The following CDC123 variants were observed in gnomAD, a reference collection of about 807,000 sequenced individuals.
CDC123 encodes the protein cell division cycle 123, also known as translation initiation factor eIF2 assembly protein.
CDC123 carries 37 observed loss-of-function variants against 54.4 expected under a neutral mutation model. That is an observed-to-expected ratio of 0.68 (90% CI 0.52 to 0.89). The LOEUF (loss-of-function observed/expected upper bound fraction) is 0.89. Among genes scored for constraint, CDC123 ranks in the 40% least tolerant of loss-of-function variants. The probability of loss-of-function intolerance (pLI) is 0.00; values close to 1 mark genes in which losing one functional copy is unlikely to be tolerated. For synonymous variants in CDC123, 144 were observed against 136.8 expected (o/e 1.05, Z -0.37); for missense variants, 361 against 412.1 (o/e 0.88, Z 1.07).
intron 2 of CDC123, among the ~76,000 whole-genome samples, chr10:12,200,855 C>T (rs879365474): frequency 4.6e-5 from 7 of 152,040 alleles, no homozygotes; most frequent in South Asian, 2.1e-4. Context: ...ATTACTTGAA[C>T]GCAGGAGGTG....
At chr10:12,219,091 T>C (rs1221077988) in intron 6 of CDC123, among the ~76,000 whole-genome samples, 1 of 152,196 alleles carries the variant, frequency 6.6e-6, no homozygotes, top group Non-Finnish European at 1.5e-5. Flanking sequence ...GTTCGTTCCA[T>C]GTCAGACTCA....
At chr10:12,226,604 C>A (rs1405276353) in intron 6 of CDC123, among the ~76,000 whole-genome samples, 1 of 150,764 alleles carries the variant, frequency 6.6e-6, no homozygotes, top group Non-Finnish European at 1.5e-5. Context: ...AGAGGCGCTC[C>A]TCACATCCCA....
intron 1 of CDC123, 136 bp downstream of exon 1, chr10:12,196,455 C>T: frequency 8.5e-7 from 1 of 1,179,760 alleles, no homozygotes; most frequent in Non-Finnish European, 1.2e-6. Context: ...GGAAGTACAT[C>T]AGCAATTGTC....
chr10:12,230,807 T>C (rs1371703216), intron 6 of CDC123, 141 bp from the exon 7 acceptor site: 2 of 732,816 alleles, frequency 2.7e-6, no homozygotes, highest in African/African-American at 1.8e-5. Context: ...GCTCAGTAAG[T>C]GTTCGTCGAA....
rs749789079 is a variant in CDC123, at chr10:12,249,619, A to T, written c.885A>T (p.Thr295=). 28 of 1,614,030 alleles carry T rather than the reference A, an allele frequency of 1.7e-5. No individual in the cohort carries two copies. The highest frequency in any genetic ancestry group is 2.2e-5 in the Non-Finnish European group (26 of 1,180,014). The change falls in exon 12 of 13, where the codon ACA becomes ACT. Residue 295 remains threonine (T), a synonymous_variant. Coordinates refer to ENST00000281141, the MANE Select transcript of CDC123 (RefSeq NM_006023.3). The part of the protein sequence containing the change: ...PAFRCTNSEV[T]VQPSPYLSYR... ...TCCGTTGCACAAACAGTGAAGTGACAGTCCAGCCCAGCCCCTATTTGAGTT... is the reference window on the plus strand; with the variant it reads ...TCCGTTGCACAAACAGTGAAGTGACTGTCCAGCCCAGCCCCTATTTGAGTT...
chr10:12,226,649 C>G (rs929234300), intron 6 of CDC123, among the ~76,000 whole-genome samples: 2 of 140,520 alleles, frequency 1.4e-5, no homozygotes, highest in Non-Finnish European at 3.2e-5. Flanking sequence ...TCCTCACATC[C>G]CAGACGATGG....
At position 12,235,114 on chromosome 10, in the gene CDC123, A is replaced by G. The variant is rs1835961746; in HGVS notation, c.556A>G (p.Lys186Glu). 1 of 1,613,026 alleles carries G rather than the reference A, an allele frequency of 6.2e-7. No homozygotes were observed. Among genetic ancestry groups the G allele is most frequent in the Non-Finnish European group, 8.5e-7 (1 of 1,179,174 alleles). ...GTTTCGATGTTTTGTCAAGGAAAAC[A>G]AGCTTATTGGTGAGTTTTTGTTTGT... ...AEFRCFVKEN[K>E]LIGISQRDYT... Residue 186 changes from lysine (K) to glutamate (E), a missense_variant, in exon 8 of 13, where the codon AAG becomes GAG. Transcript: ENST00000281141.
chr10:12,249,748 C>T lies in CDC123; in HGVS notation c.984+30C>T, dbSNP rs758408551. The T allele has an allele frequency of 7.0e-6, 11 of 1,570,088 alleles. No homozygotes were observed. In the South Asian group the frequency reaches 1.3e-4, roughly 19 times the overall value. Reference sequence around the variant, plus strand: ...AGTCTATGTGCATTTAGTATGCTGGCCATCTTTTCAAATAGACCTTCAAAT... The same window carrying T: ...AGTCTATGTGCATTTAGTATGCTGGTCATCTTTTCAAATAGACCTTCAAAT... On this transcript the variant is annotated intron_variant, in intron 12 of 12. Transcript: ENST00000281141.
At chr10:12,241,105 T>A (rs944460449) in intron 10 of CDC123, among the ~76,000 whole-genome samples, 1 of 152,090 alleles carries the variant, frequency 6.6e-6, no homozygotes, top group Admixed American at 6.6e-5. Flanking sequence ...CTCTTCAGGG[T>A]TTTTGGGGTT....
In CDC123 at chr10:12,237,265, CTG is replaced by C. The variant is rs1338732123; in HGVS notation, c.688+2_688+3del. 5.9e-6 allele frequency: 9 copies of C among 1,537,204 alleles called. No homozygotes were observed. The highest frequency in any genetic ancestry group is 1.4e-5 in the African/African-American group (1 of 70,950). On this transcript the variant is annotated splice_donor_variant and coding_sequence_variant, in exon 9 of 13. Coordinates refer to ENST00000281141, the MANE Select transcript of CDC123 (RefSeq NM_006023.3). LOFTEE classifies it high-confidence loss of function. ...TACAGTACAAATTCTTAGATGAAGA[CTG>C]TGAGTATTTTTTTATTGATCCAGTA...
Position 12,217,389 on chromosome 10 carries a change from C to A in CDC123, c.362C>A (p.Ser121Tyr). The change falls in exon 6 of 13, where the codon TCT (serine) becomes TAT (tyrosine). Residue 121 changes from serine to tyrosine, a missense_variant. Coordinates refer to ENST00000281141, the MANE Select transcript of CDC123 (RefSeq NM_006023.3). ...RDAYWIAMNS[S>Y]LKCKTLSDIF... ...GCGTATTGGATAGCAATGAATAGTTCTCTGAAATGTAAAACCCTCAGCGAC... is the reference window on the plus strand; with the variant it reads ...GCGTATTGGATAGCAATGAATAGTTATCTGAAATGTAAAACCCTCAGCGAC... 6.2e-7 allele frequency: 1 copy of A among 1,613,910 alleles called. No homozygotes were observed. The highest frequency in any genetic ancestry group is 8.5e-7 in the Non-Finnish European group (1 of 1,179,890).
chr10:12,225,268 G>A (rs1413838460), intron 6 of CDC123, among the ~76,000 whole-genome samples: 5 of 152,092 alleles, frequency 3.3e-5, no homozygotes, highest in Admixed American at 3.3e-4. Context: ...GGTGGCACAC[G>A]CCTGTAATCC....
At chr10:12,215,443 A>G (rs1407337299) in intron 4 of CDC123, among the ~76,000 whole-genome samples, 1 of 152,202 alleles carries the variant, frequency 6.6e-6, no homozygotes, top group Non-Finnish European at 1.5e-5. Flanking sequence ...GTCGGTGTAC[A>G]GAGAACCATT....
chr10:12,209,310 C>A (rs1564433991), intron 2 of CDC123, among the ~76,000 whole-genome samples: 1 of 152,104 alleles, frequency 6.6e-6, no homozygotes, highest in Non-Finnish European at 1.5e-5. Context: ...GATCTTAGGT[C>A]ATTGTAGCCT....
intron 10 of CDC123, among the ~76,000 whole-genome samples, chr10:12,244,015 CTCT>C (rs1836094944): frequency 1.3e-5 from 2 of 152,166 alleles, no homozygotes; most frequent in African/African-American, 4.8e-5. Context: ...TTTGCAGGGC[CTCT>C]CCTGGGGCTT....
At chr10:12,221,257 T>C (rs1835732788) in intron 6 of CDC123, among the ~76,000 whole-genome samples, 1 of 114,032 alleles carries the variant, frequency 8.8e-6, no homozygotes, top group South Asian at 3.2e-4. Flanking sequence ...TTTTTAGGAA[T>C]GCTCAGTGGC....
At chr10:12,196,921 T>A (rs1239039836) in intron 1 of CDC123, among the ~76,000 whole-genome samples, 1 of 152,252 alleles carries the variant, frequency 6.6e-6, no homozygotes, top group Non-Finnish European at 1.5e-5. Flanking sequence ...ATATACAATT[T>A]CATCTCTCAG....
At chr10:12,230,821 G>T (rs1835891365) in intron 6 of CDC123, 127 bp from the exon 7 acceptor site, 1 of 837,486 alleles carries the variant, frequency 1.2e-6, no homozygotes, top group South Asian at 1.6e-5. Context: ...CGTCGAATTT[G>T]AGTTAGTCTC....
At chr10:12,240,835 T>G (rs551122125) in intron 10 of CDC123, among the ~76,000 whole-genome samples, 1 of 152,186 alleles carries the variant, frequency 6.6e-6, no homozygotes, top group Admixed American at 6.5e-5. Context: ...ATACATGTCA[T>G]GCCTAGCAGT....
Sources: allele counts gnomAD v4.1 joint callset (sites outside exome capture counted in the v4.1 genomes callset), GRCh38; gene constraint gnomAD v4.1.1; transcripts MANE v1.5; gene names NCBI Gene and HGNC (gene_info 2026-07-23, HGNC 2026-07-21).